SLC71A2: variants seen among roughly 807,000 people sequenced by gnomAD.
The protein encoded by SLC71A2 is solute carrier family 71 member 2.
the SLC71A2 span, chr9:94,438,540 G>A: frequency 3.1e-6 from 5 of 1,605,666 alleles, no homozygotes; most frequent in East Asian, 4.5e-5. Context: ...TGAGTGACTT[G>A]GCCCTTCACC....
chr9:94,439,061 G>A, the SLC71A2 span, among the ~76,000 whole-genome samples: 1 of 104,992 alleles, frequency 9.5e-6, no homozygotes, highest in South Asian at 3.3e-4. Context: ...TTGCCCTGTT[G>A]ACTAGGCTGG....
At chr9:94,435,444 T>A in the SLC71A2 span, among the ~76,000 whole-genome samples, 1 of 152,190 alleles carries the variant, frequency 6.6e-6, no homozygotes, top group Non-Finnish European at 1.5e-5. Flanking sequence ...TATGCCTTTT[T>A]TCCCCAGTGT....
the SLC71A2 span, among the ~76,000 whole-genome samples, chr9:94,407,599 G>A: frequency 2.0e-5 from 3 of 152,092 alleles, no homozygotes; most frequent in East Asian, 3.9e-4. Flanking sequence ...GGCTGGTGTC[G>A]AACTCTTGAC....
chr9:94,429,663 A>G, the SLC71A2 span, among the ~76,000 whole-genome samples: 1 of 152,174 alleles, frequency 6.6e-6, no homozygotes, highest in Admixed American at 6.5e-5. Flanking sequence ...GTAATAACTC[A>G]GCCACTTGAT....
At chr9:94,456,156 G>A in the SLC71A2 span, 2 of 845,382 alleles carry the variant, frequency 2.4e-6, no homozygotes, top group Non-Finnish European at 3.8e-6. Context: ...CAAGGCATTT[G>A]TACTTTTGCC....
the SLC71A2 span, chr9:94,453,874 A>AG: frequency 7.9e-5 from 72 of 910,310 alleles, no homozygotes; most frequent in Non-Finnish European, 3.6e-6. Flanking sequence ...TCTGGTCATC[A>AG]GGGAAGGGTC....
chr9:94,455,099 G>C, the SLC71A2 span, among the ~76,000 whole-genome samples: 1 of 145,248 alleles, frequency 6.9e-6, no homozygotes, highest in Non-Finnish European at 1.5e-5. Context: ...AGTTTGGGGA[G>C]TAAGTACATA....
chr9:94,436,950 G>A, the SLC71A2 span, among the ~76,000 whole-genome samples: 2 of 152,178 alleles, frequency 1.3e-5, no homozygotes, highest in African/African-American at 2.4e-5. Flanking sequence ...TTTGAATCCA[G>A]TAGAGAAGAT....
At chr9:94,420,147 G>A in the SLC71A2 span, among the ~76,000 whole-genome samples, 5 of 152,150 alleles carry the variant, frequency 3.3e-5, no homozygotes, top group Non-Finnish European at 5.9e-5. Flanking sequence ...TCTCTTATAT[G>A]TGTGTGTATC....
the SLC71A2 span, among the ~76,000 whole-genome samples, chr9:94,400,411 A>G: frequency 6.6e-6 from 1 of 151,648 alleles, no homozygotes; most frequent in African/African-American, 2.4e-5. Flanking sequence ...TGGAAGGGTC[A>G]GTTTCTATGT....
the SLC71A2 span, among the ~76,000 whole-genome samples, chr9:94,439,542 A>ATT: frequency 0.036 from 5,065 of 142,626 alleles, 98 homozygotes; most frequent in South Asian, 0.049. Context: ...CTATTAATAG[A>ATT]TTTTTTTTTT....
the SLC71A2 span, among the ~76,000 whole-genome samples, chr9:94,417,847 G>A: frequency 1.6e-4 from 14 of 85,622 alleles, 2 homozygotes; most frequent in Admixed American, 9.9e-4. Context: ...TTATAGGCAA[G>A]TTCCCACCCC....
chr9:94,405,613 A>T, the SLC71A2 span, among the ~76,000 whole-genome samples: 1 of 152,008 alleles, frequency 6.6e-6, no homozygotes, highest in Non-Finnish European at 1.5e-5. Flanking sequence ...AAATACAGGC[A>T]CACACCACCA....
the SLC71A2 span, among the ~76,000 whole-genome samples, chr9:94,455,948 A>C: frequency 1.3e-5 from 2 of 152,194 alleles, no homozygotes; most frequent in Admixed American, 6.5e-5. Flanking sequence ...CATTGAGCTT[A>C]TGTCTAAAGA....
chr9:94,423,029 C>T, the SLC71A2 span, among the ~76,000 whole-genome samples: 2 of 149,952 alleles, frequency 1.3e-5, no homozygotes, highest in African/African-American at 2.4e-5. Flanking sequence ...GTCTGCCTCC[C>T]GGGTTCAAGC....
the SLC71A2 span, among the ~76,000 whole-genome samples, chr9:94,423,254 T>C: frequency 7.0e-6 from 1 of 141,962 alleles, no homozygotes; most frequent in African/African-American, 2.6e-5. Flanking sequence ...GCCTTTCTGT[T>C]CTCTCTCTCT....
chr9:94,402,859 A>G, the SLC71A2 span, among the ~76,000 whole-genome samples: 46 of 152,318 alleles, frequency 3.0e-4, 1 homozygote, highest in African/African-American at 9.6e-4. Context: ...TGCATGATGT[A>G]GTTTGAGTTA....
the SLC71A2 span, among the ~76,000 whole-genome samples, chr9:94,454,496 T>G: frequency 6.6e-6 from 1 of 150,418 alleles, no homozygotes; most frequent in East Asian, 1.9e-4. Context: ...GGCTCCTGAG[T>G]AGCTAGGATT....
At chr9:94,449,647 G>C in the SLC71A2 span, among the ~76,000 whole-genome samples, 650 of 152,292 alleles carry the variant, frequency 4.3e-3, 4 homozygotes, top group African/African-American at 0.015. Context: ...TACAGCTGCT[G>C]TAAGAAAACA....
Sources: allele counts gnomAD v4.1 joint callset (sites outside exome capture counted in the v4.1 genomes callset), GRCh38; gene constraint gnomAD v4.1.1; transcripts MANE v1.5; gene names NCBI Gene and HGNC (gene_info 2026-07-23, HGNC 2026-07-21).